The following NAALADL2 variants were observed in gnomAD, a reference collection of about 807,000 sequenced individuals.
The protein encoded by NAALADL2 is N-acetylated alpha-linked acidic dipeptidase like 2.
A neutral mutation model predicts 87.2 loss-of-function variants in NAALADL2; 76 were observed. The ratio of observed to expected loss-of-function variants is 0.87; its 90% CI spans 0.72 to 1.05. NAALADL2 has a LOEUF of 1.05. Among genes scored for constraint, NAALADL2 ranks in the 50% least tolerant of loss-of-function variants. The pLI is 0.00. For missense variants in NAALADL2, 1,089 were observed against 945.8 expected (o/e 1.15, Z -1.99); for synonymous variants, 354 against 331.0 (o/e 1.07, Z -0.75).
chr3:175,670,183 G>A (rs1733746088), intron 11 of NAALADL2, among the ~76,000 whole-genome samples: 2 of 151,760 alleles, frequency 1.3e-5, no homozygotes, highest in African/African-American at 4.8e-5. Context: ...CCAGAAAGTA[G>A]CAAAACTAGG....
chr3:175,505,549 T>G (rs1052912249), intron 9 of NAALADL2, among the ~76,000 whole-genome samples: 50 of 152,308 alleles, frequency 3.3e-4, no homozygotes, highest in African/African-American at 1.1e-3. Flanking sequence ...CTTATTTTTT[T>G]TTGTTGACTT....
chr3:174,646,225 CATTCAAAAAGCCTG>C (rs1723767283), intron 2 of NAALADL2, among the ~76,000 whole-genome samples: 1 of 151,936 alleles, frequency 6.6e-6, no homozygotes, highest in Admixed American at 6.6e-5. Context: ...TGAGCAGGAC[CATTCAAAAAGCCTG>C]ATTCTGTAGT....
intron 2 of NAALADL2, among the ~76,000 whole-genome samples, chr3:174,687,911 C>T (rs486528): frequency 0.75 from 114,033 of 151,992 alleles, 42,954 homozygotes; most frequent in East Asian, 0.89. Context: ...CCATATAAGA[C>T]GTGCCTTTGC....
At position 175,385,389 on chromosome 3, in the gene NAALADL2, G is replaced by A. The variant is rs376697195; in HGVS notation, c.1090+61064G>A. On this transcript the variant is annotated intron_variant, in intron 5 of 13. Transcript: ENST00000454872. ...TCTTACCTTACTTTTAGTTTGTCTCGTTTGCAATAATATGTAATTGTATAC... is the reference window on the plus strand; with the variant it reads ...TCTTACCTTACTTTTAGTTTGTCTCATTTGCAATAATATGTAATTGTATAC... Among the ~76,000 whole-genome samples the A allele has an allele frequency of 1.3e-4, 20 of 151,916 alleles. 1 individual carries two copies. The South Asian group carries it at 3.7e-3, about 28-fold the overall frequency.
At chr3:175,064,798 C>T (rs1363181160) in intron 1 of NAALADL2, among the ~76,000 whole-genome samples, 1 of 152,096 alleles carries the variant, frequency 6.6e-6, no homozygotes, top group Non-Finnish European at 1.5e-5. Flanking sequence ...CCAGTGAAAA[C>T]TCTCTGCGTA....
At chr3:174,806,287 T>A (rs555650298) in intron 3 of NAALADL2, among the ~76,000 whole-genome samples, 100 of 152,146 alleles carry the variant, frequency 6.6e-4, no homozygotes, top group Non-Finnish European at 1.3e-3. Context: ...TCCCAATTAT[T>A]GCCTCAGCCA....
At chr3:175,194,353 G>T (rs944354940) in intron 2 of NAALADL2, among the ~76,000 whole-genome samples, 3 of 151,776 alleles carry the variant, frequency 2.0e-5, no homozygotes, top group African/African-American at 7.2e-5. Context: ...GTTTCAAGCT[G>T]TTGCTCACCT....
chr3:175,669,375 A>T (rs1264350009), intron 11 of NAALADL2, among the ~76,000 whole-genome samples: 1 of 152,068 alleles, frequency 6.6e-6, no homozygotes, highest in Non-Finnish European at 1.5e-5. Flanking sequence ...ACGATGCAGA[A>T]CCATTCTAGG....
chr3:175,213,591 A>T (rs1742079113), intron 2 of NAALADL2, among the ~76,000 whole-genome samples: 1 of 152,194 alleles, frequency 6.6e-6, no homozygotes, highest in African/African-American at 2.4e-5. Flanking sequence ...ATAGGTAACT[A>T]TGCATTTACA....
chr3:174,649,836 G>A (rs1724174202), intron 2 of NAALADL2, among the ~76,000 whole-genome samples: 1 of 152,014 alleles, frequency 6.6e-6, no homozygotes, highest in South Asian at 2.1e-4. Context: ...ATCTCTTTTG[G>A]TAATAAATAG....
chr3:175,095,951 A>G (rs759390073), intron 1 of NAALADL2, among the ~76,000 whole-genome samples: 1 of 152,150 alleles, frequency 6.6e-6, no homozygotes, highest in Non-Finnish European at 1.5e-5. Flanking sequence ...ACCACTTGGC[A>G]GGATACAACA....
intron 1 of NAALADL2, among the ~76,000 whole-genome samples, chr3:174,494,327 A>G (rs1036160201): frequency 2.6e-5 from 4 of 152,126 alleles, no homozygotes; most frequent in Non-Finnish European, 5.9e-5. Flanking sequence ...ATTGATTCTA[A>G]TGTCATATTA....
intron 11 of NAALADL2, among the ~76,000 whole-genome samples, chr3:175,670,103 A>G (rs1582839753): frequency 6.6e-6 from 1 of 152,006 alleles, no homozygotes; most frequent in African/African-American, 2.4e-5. Flanking sequence ...GAGATCTATT[A>G]TTATTATCTC....
At chr3:175,683,272 G>A (rs995099915) in intron 11 of NAALADL2, among the ~76,000 whole-genome samples, 4 of 151,786 alleles carry the variant, frequency 2.6e-5, no homozygotes, top group African/African-American at 9.7e-5. Flanking sequence ...TTAGATTGTG[G>A]TTCAATTGTA....
In NAALADL2 at chr3:175,495,073, C is replaced by CAT. The variant is rs372953738; in HGVS notation, c.1653+23334_1653+23335dup. On this transcript the variant is annotated intron_variant, in intron 9 of 13. Coordinates refer to ENST00000454872, the MANE Select transcript of NAALADL2 (RefSeq NM_207015.3). ...TTTGGACCATCTGTATAAGCAATCC[C>CAT]ATATATATATATATATATATTTTTT... Among the ~76,000 whole-genome samples, 1,052 of 126,128 alleles carry CAT rather than the reference C, an allele frequency of 8.3e-3. 7 individuals carry two copies. Among genetic ancestry groups the CAT allele is most frequent in the Middle Eastern group, 0.055 (14 of 256 alleles). The allele number at this position is 126,128 out of a possible 152,430, so 82.7% of individuals were successfully genotyped here. A position where few individuals can be genotyped will look rare whatever the true frequency, so the allele number is the denominator to read the frequency against.
intron 2 of NAALADL2, among the ~76,000 whole-genome samples, chr3:174,627,608 G>T (rs868026996): frequency 3.9e-5 from 6 of 152,320 alleles, no homozygotes; most frequent in African/African-American, 7.2e-5. Context: ...CAAAGGAAAA[G>T]AAATCATTTT....
intron 2 of NAALADL2, among the ~76,000 whole-genome samples, chr3:174,683,318 A>G (rs1236183793): frequency 1.3e-5 from 2 of 152,076 alleles, no homozygotes; most frequent in Non-Finnish European, 2.9e-5. Context: ...GAGGAGATAG[A>G]GAGAGATACA....
chr3:174,949,716 G>A (rs1228916979), intron 1 of NAALADL2, among the ~76,000 whole-genome samples: 2 of 152,152 alleles, frequency 1.3e-5, no homozygotes, highest in Non-Finnish European at 2.9e-5. Context: ...AATGATCAGT[G>A]TTCTGTCCTT....
At chr3:175,312,997 A>C (rs1002386991) in intron 4 of NAALADL2, among the ~76,000 whole-genome samples, 1 of 152,158 alleles carries the variant, frequency 6.6e-6, no homozygotes, top group Admixed American at 6.6e-5. Flanking sequence ...TAAACTACGA[A>C]AAATTATTTT....
Sources: gnomAD v4.1 joint callset for allele counts (sites outside exome capture counted in the v4.1 genomes callset) on GRCh38, gnomAD v4.1.1 for gene constraint, MANE v1.5 for transcripts, NCBI Gene and HGNC (gene_info 2026-07-23, HGNC 2026-07-21) for gene names.